RNF145: variants seen among roughly 807,000 people sequenced by gnomAD.
The protein encoded by RNF145 is ring finger protein 145.
In RNF145, 12 loss-of-function variants were observed where a neutral mutation model predicts 57.3. The observed-to-expected ratio is 0.21, with a 90% CI of 0.13 to 0.34. The LOEUF is 0.34. Among genes scored for constraint, RNF145 ranks in the 10% least tolerant of loss-of-function variants. RNF145 has a pLI of 1.00. For synonymous variants in RNF145, 262 were observed against 288.3 expected, an observed-to-expected ratio of 0.91 and a Z score of 0.92; for missense variants, 429 against 799.0, an observed-to-expected ratio of 0.54 and a Z score of 5.58.
rs202135822 is a variant in RNF145, at chr5:159,165,305, T to C, written c.1122-2226A>G. Among the ~76,000 whole-genome samples, 3 of 152,388 alleles carry C rather than the reference T, an allele frequency of 2.0e-5. No individual in the cohort carries two copies. The East Asian group carries it at 5.8e-4, about 29-fold the overall frequency. On this transcript the variant is annotated intron_variant, in intron 8 of 10. Coordinates refer to ENST00000424310, the MANE Select transcript of RNF145 (RefSeq NM_001199383.2). ...CTTGAATCCTGTGTGCTTCATTCTC[T>C]TCCCTGCTTCCCTTTTTATAGTTTG...
chr5:159,187,478 C>A lies in RNF145; in HGVS notation c.294-5427G>T, dbSNP rs191133048. 3.7e-3 allele frequency among the ~76,000 whole-genome samples: 555 copies of A among 151,940 alleles called. 5 individuals are homozygous for A. The highest frequency in any genetic ancestry group is 0.013 in the African/African-American group (533 of 41,474). ...GAGTAGCTTAGATTATAGGTGCCTG[C>A]CACCATGCCCGGCTAATTTTTTGTA... On this transcript the variant is annotated intron_variant, in intron 3 of 10. Transcript: ENST00000424310.
chr5:159,196,263 C>A (rs1785458102), intron 2 of RNF145, among the ~76,000 whole-genome samples: 1 of 145,690 alleles, frequency 6.9e-6, no homozygotes, highest in South Asian at 2.2e-4. Flanking sequence ...TTAAGCTCAT[C>A]AGCTATCACT....
intron 9 of RNF145, 100 bp downstream of exon 9, chr5:159,162,832 T>A: frequency 1.2e-6 from 1 of 846,666 alleles, no homozygotes; most frequent in East Asian, 2.6e-5. Context: ...ACCTGAATAG[T>A]CCACTTATAA....
chr5:159,193,062 G>A (rs547186328), intron 3 of RNF145, among the ~76,000 whole-genome samples: 1 of 152,212 alleles, frequency 6.6e-6, no homozygotes, highest in Admixed American at 6.5e-5. Flanking sequence ...CATCATGTCT[G>A]TATCAGTATT....
chr5:159,209,742 G>C (rs1007724078), upstream of RNF145: 1 of 1,167,224 alleles, frequency 8.6e-7, no homozygotes, highest in Non-Finnish European at 1.2e-6. Context: ...TGGCTATGGA[G>C]AGGCGTACTG....
At chr5:159,208,448 G>A (rs1455697565) in intron 1 of RNF145, among the ~76,000 whole-genome samples, 2 of 152,132 alleles carry the variant, frequency 1.3e-5, no homozygotes, top group African/African-American at 2.4e-5. Flanking sequence ...TCCTTGGGTG[G>A]GGAAAGCAGT....
intron 9 of RNF145, among the ~76,000 whole-genome samples, chr5:159,162,191 A>T (rs1784238726): frequency 6.6e-6 from 1 of 152,206 alleles, no homozygotes; most frequent in Non-Finnish European, 1.5e-5. Context: ...CACACATCAT[A>T]TACATATATA....
chr5:159,209,956 A>G, upstream of RNF145: 1 of 1,502,362 alleles, frequency 6.7e-7, no homozygotes, highest in African/African-American at 1.4e-5. Flanking sequence ...TGACTGGACT[A>G]GACTGTAAAC....
chr5:159,165,731 A>AAAT (rs751084571), intron 8 of RNF145, among the ~76,000 whole-genome samples: 273 of 5,572 alleles, frequency 0.049, 64 homozygotes, highest in Admixed American at 0.082. Context: ...AAAAAAAAAA[A>AAAT]AATAATAATA....
intron 3 of RNF145, among the ~76,000 whole-genome samples, chr5:159,185,265 T>G (rs759581374): frequency 6.6e-6 from 1 of 152,050 alleles, no homozygotes; most frequent in Non-Finnish European, 1.5e-5. Context: ...CAGCTCAGCT[T>G]AGCATGCCAG....
At chr5:159,188,342 C>T (rs768766445) in intron 3 of RNF145, among the ~76,000 whole-genome samples, 8 of 151,178 alleles carry the variant, frequency 5.3e-5, no homozygotes, top group Non-Finnish European at 1.0e-4. Flanking sequence ...AGCCATGAGC[C>T]GAAATCGTGC....
At chr5:159,207,033 A>C (rs2113257540) in intron 1 of RNF145, among the ~76,000 whole-genome samples, 1 of 152,290 alleles carries the variant, frequency 6.6e-6, no homozygotes, top group Non-Finnish European at 1.5e-5. Context: ...AGGAGACCTC[A>C]ATGAGTTCAT....
intron 3 of RNF145, among the ~76,000 whole-genome samples, chr5:159,189,296 A>G (rs1447552982): frequency 6.6e-6 from 1 of 152,260 alleles, no homozygotes; most frequent in Non-Finnish European, 1.5e-5. Context: ...TACTGAGCAA[A>G]GGATGTGAAT....
intron 6 of RNF145, among the ~76,000 whole-genome samples, chr5:159,170,023 T>C (rs1406731448): frequency 6.6e-6 from 1 of 152,224 alleles, no homozygotes; most frequent in East Asian, 1.9e-4. Flanking sequence ...TTCTATCTCA[T>C]TGGCAAATAT....
rs377687714 is a variant in RNF145, at chr5:159,161,279, G to A, written c.1613C>T (p.Ala538Val). ...EQLEKHNDIC[A>V]ICYQDMKSAV... ...TGAAGGAGTTACCTGATAACAGATGGCACAAATATCATTGTGTTTCTCAAG... is the reference window on the plus strand; with the variant it reads ...TGAAGGAGTTACCTGATAACAGATGACACAAATATCATTGTGTTTCTCAAG... The change falls in exon 10 of 11, where the codon GCC becomes GTC. Residue 538 changes from alanine (A) to valine (V), a missense_variant. By Grantham distance (64) the Ala-to-Val change is moderately conservative. Coordinates refer to ENST00000424310, the MANE Select transcript of RNF145 (RefSeq NM_001199383.2). The A allele has an allele frequency of 6.2e-7, 1 of 1,602,394 alleles. No homozygotes were observed. The highest frequency in any genetic ancestry group is 8.5e-7 in the Non-Finnish European group (1 of 1,170,546).
At chr5:159,192,404 G>A (rs867249616) in intron 3 of RNF145, among the ~76,000 whole-genome samples, 1 of 152,112 alleles carries the variant, frequency 6.6e-6, no homozygotes, top group Admixed American at 6.6e-5. Flanking sequence ...CAGGCTCACA[G>A]TTTTTCACCC....
chr5:159,159,098 C>A, intron 10 of RNF145, 63 bp from the exon 11 acceptor site: 2 of 1,464,562 alleles, frequency 1.4e-6, no homozygotes, highest in East Asian at 2.3e-5. Flanking sequence ...TGGTGCTATC[C>A]CCAAAGTTCT....
At chr5:159,207,363 T>A in intron 1 of RNF145, 1 of 703,792 alleles carries the variant, frequency 1.4e-6, no homozygotes, top group South Asian at 1.9e-5. Flanking sequence ...CTAAACTTTT[T>A]TTTAAAAAGA....
At chr5:159,181,287 T>C (rs1479312036) in intron 4 of RNF145, among the ~76,000 whole-genome samples, 1 of 152,046 alleles carries the variant, frequency 6.6e-6, no homozygotes. Context: ...GTGAATCCTC[T>C]AGTGTAAAGG....
Sources: gnomAD v4.1 joint callset for allele counts (sites outside exome capture counted in the v4.1 genomes callset) on GRCh38, gnomAD v4.1.1 for gene constraint, MANE v1.5 for transcripts, NCBI Gene and HGNC (gene_info 2026-07-23, HGNC 2026-07-21) for gene names.